Variants in FER observed in about 807,000 individuals in gnomAD.
FER encodes FER tyrosine kinase.
Under a neutral mutation model 111.0 loss-of-function variants are expected in FER, and 63 were observed. That is an observed-to-expected ratio of 0.57 (90% CI 0.46 to 0.70). The LOEUF (loss-of-function observed/expected upper bound fraction) is 0.70, where lower values mean the gene tolerates loss of function less well. Among genes scored for constraint, FER ranks in the 30% least tolerant of loss-of-function variants. FER has a pLI of 0.00. For synonymous variants in FER, 327 were observed against 313.9 expected (o/e 1.04, Z -0.44); for missense variants, 914 against 954.0 (o/e 0.96, Z 0.55).
chr5:109,145,752 A>G (rs1462423633), intron 17 of FER, among the ~76,000 whole-genome samples: 1 of 152,068 alleles, frequency 6.6e-6, no homozygotes, highest in Non-Finnish European at 1.5e-5. Flanking sequence ...ATGCATATAG[A>G]ATGTTATTAT....
intron 1 of FER, among the ~76,000 whole-genome samples, chr5:108,755,644 C>T (rs112666565): frequency 0.071 from 10,830 of 151,742 alleles, 523 homozygotes; most frequent in African/African-American, 0.12. Context: ...CACCACCACG[C>T]CCGGCTAATT....
At chr5:108,880,107 A>AT in intron 8 of FER, among the ~76,000 whole-genome samples, 1 of 152,090 alleles carries the variant, frequency 6.6e-6, no homozygotes, top group Non-Finnish European at 1.5e-5. Flanking sequence ...CTTGTTTATT[A>AT]TTGTATCCCT....
chr5:108,955,721 A>G (rs1758337780), intron 12 of FER, among the ~76,000 whole-genome samples: 1 of 151,776 alleles, frequency 6.6e-6, no homozygotes, highest in Admixed American at 6.6e-5. Context: ...ACAGGATTTC[A>G]TTTTATGTTG....
chr5:108,868,458 C>T (rs1764289774), intron 6 of FER, among the ~76,000 whole-genome samples: 1 of 152,122 alleles, frequency 6.6e-6, no homozygotes, highest in South Asian at 2.1e-4. Flanking sequence ...CTTGATCTAA[C>T]AGTATACTTT....
chr5:108,869,639 G>A (rs1355978441), intron 6 of FER, among the ~76,000 whole-genome samples: 1 of 152,102 alleles, frequency 6.6e-6, no homozygotes, highest in Non-Finnish European at 1.5e-5. Flanking sequence ...GCTCCCCCGT[G>A]CCATGACAGA....
At chr5:109,176,784 A>C (rs1397925007) in intron 17 of FER, among the ~76,000 whole-genome samples, 1 of 152,196 alleles carries the variant, frequency 6.6e-6, no homozygotes, top group Non-Finnish European at 1.5e-5. Context: ...GGAAAGAAGT[A>C]ATGGAACCGT....
chr5:109,148,717 A>C (rs1754501054), intron 17 of FER, among the ~76,000 whole-genome samples: 1 of 152,158 alleles, frequency 6.6e-6, no homozygotes, highest in Non-Finnish European at 1.5e-5. Flanking sequence ...TAATTTCCTT[A>C]TGTAAAATAC....
chr5:109,082,793 G>C (rs938167964), intron 16 of FER, among the ~76,000 whole-genome samples: 1 of 151,878 alleles, frequency 6.6e-6, no homozygotes, highest in Non-Finnish European at 1.5e-5. Context: ...GAATTGCCTT[G>C]AAATGTCATC....
At chr5:108,964,056 G>A (rs577620131) in intron 13 of FER, among the ~76,000 whole-genome samples, 3 of 152,184 alleles carry the variant, frequency 2.0e-5, no homozygotes, top group African/African-American at 7.2e-5. Context: ...TTCATTAAGA[G>A]CTATTGTGTA....
In FER at chr5:108,885,849, C is replaced by T. The variant is rs545838483; in HGVS notation, c.1046+2331C>T. Among the ~76,000 whole-genome samples the T allele has an allele frequency of 1.8e-4, 28 of 151,966 alleles. No homozygotes were observed. In the East Asian group the frequency reaches 3.3e-3, roughly 18 times the overall value. ...GAAAATTTGAGTTACTCTGATCATT[C>T]CTTTACTAAATCTGCAAATTTTTAG... On this transcript the variant is annotated intron_variant, in intron 9 of 19. Coordinates refer to ENST00000281092, the MANE Select transcript of FER (RefSeq NM_005246.4).
At chr5:108,832,362 G>T (rs1760133980) in intron 3 of FER, among the ~76,000 whole-genome samples, 1 of 152,196 alleles carries the variant, frequency 6.6e-6, no homozygotes, top group Non-Finnish European at 1.5e-5. Context: ...ACAGAGAGAT[G>T]CAGGTTAAGA....
chr5:108,805,433 A>T (rs1406797424), intron 3 of FER, among the ~76,000 whole-genome samples: 1 of 152,204 alleles, frequency 6.6e-6, no homozygotes, highest in African/African-American at 2.4e-5. Flanking sequence ...GGGCGTTGCT[A>T]AAAAGCTACC....
intron 13 of FER, among the ~76,000 whole-genome samples, chr5:108,974,835 C>T (rs1341034034): frequency 6.6e-6 from 1 of 152,136 alleles, no homozygotes; most frequent in Non-Finnish European, 1.5e-5. Context: ...AGATTATTTC[C>T]TTATAACCTG....
chr5:109,069,506 G>T (rs1450857251), intron 16 of FER, among the ~76,000 whole-genome samples: 1 of 152,134 alleles, frequency 6.6e-6, no homozygotes, highest in African/African-American at 2.4e-5. Flanking sequence ...GTAAGACAGG[G>T]TTAAATGATA....
chr5:108,822,368 TAAAG>T (rs781437382), intron 3 of FER, among the ~76,000 whole-genome samples: 57 of 152,220 alleles, frequency 3.7e-4, no homozygotes, highest in Admixed American at 1.7e-3. Flanking sequence ...GGGCATTTTA[TAAAG>T]AAAGAGGTTT....
In FER at chr5:109,115,666, T is replaced by C. The variant is rs552459512; in HGVS notation, c.2048+15147T>C. Among the ~76,000 whole-genome samples the C allele has an allele frequency of 2.6e-5, 4 of 152,116 alleles. No individual in the cohort carries two copies. In the South Asian group the frequency reaches 8.3e-4, roughly 32 times the overall value. ...ATTTTGTGCAGTTTTTGTTTGTTTG[T>C]TTGTTTGTTTGTTTGTTTGGCACGA... On this transcript the variant is annotated intron_variant, in intron 17 of 19. Coordinates refer to ENST00000281092, the MANE Select transcript of FER (RefSeq NM_005246.4).
chr5:108,953,209 G>A (rs1484809221), intron 11 of FER, among the ~76,000 whole-genome samples: 3 of 151,516 alleles, frequency 2.0e-5, no homozygotes, highest in Admixed American at 1.3e-4. Context: ...TTATGCGTTT[G>A]TTTTTAAAAG....
At position 109,092,151 on chromosome 5, in the gene FER, A is replaced by C. The variant is rs1351911734; in HGVS notation, c.1925-8245A>C. On this transcript the variant is annotated intron_variant, in intron 16 of 19. Coordinates refer to ENST00000281092, the MANE Select transcript of FER (RefSeq NM_005246.4). ...TAAAATGACCTAAATGTAAGATCTG[A>C]AAGTATAAAACTGCTAGAAGAAAAC... Among the ~76,000 whole-genome samples, 6 of 151,996 alleles carry C rather than the reference A, an allele frequency of 3.9e-5. No individual in the cohort carries two copies. The East Asian group carries it at 7.8e-4, about 20-fold the overall frequency.
At chr5:108,947,809 C>G (rs1757183358) in intron 11 of FER, among the ~76,000 whole-genome samples, 1 of 151,360 alleles carries the variant, frequency 6.6e-6, no homozygotes, top group Non-Finnish European at 1.5e-5. Flanking sequence ...TTTATTCTTC[C>G]ACTTATATCT....
Sources: allele counts gnomAD v4.1 joint callset (sites outside exome capture counted in the v4.1 genomes callset), GRCh38; gene constraint gnomAD v4.1.1; transcripts MANE v1.5; gene names NCBI Gene and HGNC (gene_info 2026-07-23, HGNC 2026-07-21).